The following USP3 variants were observed in gnomAD, a reference collection of about 807,000 sequenced individuals.
USP3 encodes the protein ubiquitin carboxyl-terminal hydrolase 3.
USP3 carries 20 observed loss-of-function variants against 72.3 expected under a neutral mutation model. That is an observed-to-expected ratio of 0.28 (90% CI 0.19 to 0.40). The LOEUF is 0.40. Among genes scored for constraint, USP3 ranks in the 10% least tolerant of loss-of-function variants. USP3 has a pLI of 1.00. For missense variants in USP3, 479 were observed against 633.9 expected (o/e 0.76, Z 2.62); for synonymous variants, 222 against 225.3 (o/e 0.99, Z 0.13).
At chr15:63,567,682 T>C (rs2066713402) in intron 8 of USP3, among the ~76,000 whole-genome samples, 1 of 151,850 alleles carries the variant, frequency 6.6e-6, no homozygotes, top group South Asian at 2.1e-4. Flanking sequence ...GGTTTTGCCA[T>C]GTTGGCCAGG....
At chr15:63,523,051 T>C (rs2065939475) in intron 1 of USP3, among the ~76,000 whole-genome samples, 1 of 152,230 alleles carries the variant, frequency 6.6e-6, no homozygotes, top group Non-Finnish European at 1.5e-5. Context: ...CCTGAAGTAT[T>C]TTACATTAGA....
chr15:63,568,305 A>G (rs1194877268), intron 8 of USP3, among the ~76,000 whole-genome samples: 2 of 151,382 alleles, frequency 1.3e-5, no homozygotes, highest in Non-Finnish European at 2.9e-5. Context: ...CAGTGAGCCA[A>G]GATAGCACCG....
At chr15:63,543,087 A>G (rs1391359675) in intron 3 of USP3, among the ~76,000 whole-genome samples, 4 of 152,216 alleles carry the variant, frequency 2.6e-5, no homozygotes, top group Non-Finnish European at 5.9e-5. Flanking sequence ...GAAATGACCA[A>G]GCAAAAATAT....
chr15:63,553,761 G>C lies in USP3; in HGVS notation c.331G>C (p.Val111Leu). Residue 111 changes from valine (V) to leucine (L), a missense_variant, in exon 4 of 15, where the codon GTA becomes CTA. Physicochemically the swap from Val to Leu is conservative, Grantham distance 32. Coordinates refer to ENST00000380324, the MANE Select transcript of USP3 (RefSeq NM_006537.4). This position sits in a 1 kb window ranked among gnomAD's most constrained non-coding sequence, Gnocchi z 4.2. ...GGTTAATGACACCAAGCTGGGACTG[G>C]TACAGAAAGTCAGAGAACACTTACA... ...FVVNDTKLGL[V>L]QKVREHLQNL... 1.2e-6 allele frequency: 2 copies of C among 1,613,088 alleles called. No homozygotes were observed. The highest frequency in any genetic ancestry group is 1.7e-6 in the Non-Finnish European group (2 of 1,179,452).
Position 63,504,754 on chromosome 15 carries a change from C to T in USP3, c.15C>T (p.His5=), listed in dbSNP as rs926227658. The T allele has an allele frequency of 4.3e-6, 7 of 1,611,022 alleles. No homozygotes were observed. The highest frequency in any genetic ancestry group is 1.3e-5 in the African/African-American group (1 of 74,664). Residue 5 remains histidine, a synonymous_variant, in exon 1 of 15, where the codon CAC becomes CAT. Transcript: ENST00000380324. The part of the protein sequence containing the change: MECP[H]LSSSVCIAPD... ...TCCTCGTGGCCATGGAGTGTCCACA[C>T]CTGAGCTCCAGCGTCTGCATTGCTC... is the stretch of plus-strand genomic sequence containing the variant.
intron 11 of USP3, among the ~76,000 whole-genome samples, chr15:63,586,185 T>C (rs943390369): frequency 1.6e-4 from 25 of 152,198 alleles, no homozygotes; most frequent in African/African-American, 5.3e-4. Flanking sequence ...TCTTGCCTGA[T>C]TGCTTTAGCT....
chr15:63,577,446 G>A (rs1387068701), intron 11 of USP3, among the ~76,000 whole-genome samples: 1 of 152,152 alleles, frequency 6.6e-6, no homozygotes, highest in African/African-American at 2.4e-5. Context: ...GGGCAACATA[G>A]TGAGACCCTG....
At chr15:63,566,422 C>G (rs2066692568) in intron 8 of USP3, among the ~76,000 whole-genome samples, 1 of 151,908 alleles carries the variant, frequency 6.6e-6, no homozygotes, top group Non-Finnish European at 1.5e-5. Flanking sequence ...AAGTGATTCT[C>G]CTGCCTCAGC....
intron 1 of USP3, among the ~76,000 whole-genome samples, chr15:63,521,335 A>G (rs1048927534): frequency 6.6e-6 from 1 of 152,182 alleles, no homozygotes; most frequent in Non-Finnish European, 1.5e-5. Flanking sequence ...GCAGCAGTTA[A>G]TACCCTTGTA....
chr15:63,589,525 C>T (rs937700796), intron 14 of USP3, among the ~76,000 whole-genome samples: 1 of 152,108 alleles, frequency 6.6e-6, no homozygotes, highest in Non-Finnish European at 1.5e-5. Flanking sequence ...CCTTTTCCCG[C>T]AGAGCTGTGA....
Position 63,536,131 on chromosome 15 carries a change from A to C in USP3, c.153-894A>C, listed in dbSNP as rs2152661003. ...AGTTGGAATGTGTTACACAATTTTT[A>C]TGAACATAATCAACTTTTGATTATC... On this transcript the variant is annotated intron_variant, in intron 2 of 14. Coordinates refer to ENST00000380324, the MANE Select transcript of USP3 (RefSeq NM_006537.4). Among the ~76,000 whole-genome samples the C allele has an allele frequency of 1.3e-5, 2 of 152,344 alleles. 1 individual carries two copies. Among genetic ancestry groups the C allele is most frequent in the South Asian group, 4.1e-4 (2 of 4,822 alleles).
chr15:63,548,708 T>G (rs1044573145), intron 3 of USP3, among the ~76,000 whole-genome samples: 1 of 152,158 alleles, frequency 6.6e-6, no homozygotes, highest in Non-Finnish European at 1.5e-5. Context: ...TCTTTTTTCT[T>G]TCTTTTTTTG....
At chr15:63,568,090 C>T (rs1354847718) in intron 8 of USP3, among the ~76,000 whole-genome samples, 1 of 152,110 alleles carries the variant, frequency 6.6e-6, no homozygotes, top group Admixed American at 6.5e-5. Context: ...TATGGTGGCT[C>T]ATGCCTGTAA....
Position 63,544,748 on chromosome 15 carries a change from A to G in USP3, c.284+7592A>G. The G allele has an allele frequency of 1.4e-6, 1 of 701,946 alleles. No homozygotes were observed. The highest frequency in any genetic ancestry group is 1.5e-5 in the South Asian group (1 of 67,560). The allele number at this position is 701,946 out of a possible 1,614,324, so 43.5% of individuals were successfully genotyped here. A position where few individuals can be genotyped will look rare whatever the true frequency, so the allele number is the denominator to read the frequency against. On this transcript the variant is annotated intron_variant, in intron 3 of 14. Coordinates refer to ENST00000380324, the MANE Select transcript of USP3 (RefSeq NM_006537.4). This position sits in a 1 kb window ranked among gnomAD's most constrained non-coding sequence, Gnocchi z 4.2. The stretch of plus-strand genomic sequence containing the variant: ...CGAGGGGTAAGAGAGTTCATGGTAT[A>G]TGGGATGAAAGCTTAACTCTAAAAC...
intron 4 of USP3, among the ~76,000 whole-genome samples, chr15:63,554,335 ATACTT>A (rs1480142962): frequency 6.6e-6 from 1 of 152,232 alleles, no homozygotes; most frequent in African/African-American, 2.4e-5. Context: ...GGAGCTATGA[ATACTT>A]TGTCATCATA....
At position 63,559,934 on chromosome 15, in the gene USP3, G is replaced by A. The variant is rs751350595; in HGVS notation, c.611G>A (p.Arg204Gln). Residue 204 changes from arginine (R) to glutamine (Q), a missense_variant, in exon 7 of 15, where the codon CGG (arginine) becomes CAG (glutamine). Physicochemically the swap from Arg to Gln is conservative, Grantham distance 43 (BLOSUM62 1). Coordinates refer to ENST00000380324, the MANE Select transcript of USP3 (RefSeq NM_006537.4). ...AGGAATGGGAAAACAGCAGGAAGGCGGACATACCACACCAGGAGCCAAGGG... is the reference window on the plus strand; with the variant it reads ...AGGAATGGGAAAACAGCAGGAAGGCAGACATACCACACCAGGAGCCAAGGG... Reference protein sequence around the residue: ...ELRNGKTAGRRTYHTRSQGDN... With the variant: ...ELRNGKTAGRQTYHTRSQGDN... 1.2e-5 allele frequency: 19 copies of A among 1,613,866 alleles called. No individual in the cohort carries two copies. The highest frequency in any genetic ancestry group is 5.3e-5 in the African/African-American group (4 of 74,904).
intron 1 of USP3, among the ~76,000 whole-genome samples, chr15:63,507,358 A>G (rs182472422): frequency 1.0e-3 from 156 of 152,270 alleles, no homozygotes; most frequent in Non-Finnish European, 1.9e-3. Flanking sequence ...AAATAGTTCT[A>G]TTTTCTTTGA....
In USP3 at chr15:63,588,284, T is replaced by C. The variant is rs2067116311; in HGVS notation, c.1097-21T>C. 1 of 1,567,206 alleles carries C rather than the reference T, an allele frequency of 6.4e-7. No individual in the cohort carries two copies. The highest frequency in any genetic ancestry group is 1.4e-5 in the African/African-American group (1 of 72,602). ...TACAAAAGGCATCTTGTTTTAATGC[T>C]GCCAAAATCAATTTGTTTAGATTGT... On this transcript the variant is annotated intron_variant, in intron 11 of 14. Coordinates refer to ENST00000380324, the MANE Select transcript of USP3 (RefSeq NM_006537.4). This position sits in a 1 kb window ranked among gnomAD's most constrained non-coding sequence, Gnocchi z 4.6.
intron 11 of USP3, among the ~76,000 whole-genome samples, chr15:63,575,141 G>C (rs573724830): frequency 2.0e-5 from 3 of 148,406 alleles, no homozygotes; most frequent in African/African-American, 5.0e-5. Flanking sequence ...TCTATTTTAG[G>C]GAGTATTGTC....
Sources: gnomAD v4.1 joint callset for allele counts (sites outside exome capture counted in the v4.1 genomes callset) on GRCh38, gnomAD v4.1.1 for gene constraint, Gnocchi (gnomAD v3.1) non-coding constraint, MANE v1.5 for transcripts, NCBI Gene and HGNC (gene_info 2026-07-23, HGNC 2026-07-21) for gene names.